The following CIMIP7 variants were observed in gnomAD, a reference collection of about 807,000 sequenced individuals.
CIMIP7 encodes the protein uncharacterized protein C3orf84.
the CIMIP7 span, among the ~76,000 whole-genome samples, chr3:49,179,892 C>A: frequency 1.3e-5 from 2 of 152,290 alleles, no homozygotes; most frequent in South Asian, 4.1e-4. Context: ...AATCCCAGCA[C>A]TTTGGGAGGC....
At chr3:49,178,668 C>A in the CIMIP7 span, 2 of 703,584 alleles carry the variant, frequency 2.8e-6, no homozygotes, top group East Asian at 2.7e-5. Flanking sequence ...AGCTGCTAAA[C>A]TGCCAACAGA....
the CIMIP7 span, among the ~76,000 whole-genome samples, chr3:49,183,976 A>G: frequency 6.6e-6 from 1 of 152,330 alleles, no homozygotes; most frequent in Admixed American, 6.5e-5. Context: ...CCAGTCTCCA[A>G]AGGGTGCATA....
chr3:49,182,799 G>T, the CIMIP7 span, among the ~76,000 whole-genome samples: 3 of 152,178 alleles, frequency 2.0e-5, no homozygotes, highest in Non-Finnish European at 4.4e-5. Context: ...TGCAGGTCCC[G>T]AGCCCTGCCC....
chr3:49,180,952 G>A, the CIMIP7 span, among the ~76,000 whole-genome samples: 10 of 119,548 alleles, frequency 8.4e-5, no homozygotes, highest in Non-Finnish European at 1.2e-4. Flanking sequence ...AAAAAAAAAA[G>A]AGTTCCCTTT....
the CIMIP7 span, among the ~76,000 whole-genome samples, chr3:49,180,159 C>T: frequency 6.6e-6 from 1 of 152,080 alleles, no homozygotes; most frequent in African/African-American, 2.4e-5. Context: ...GGCTGTAATC[C>T]CAGCTACTCA....
chr3:49,184,317 T>A, the CIMIP7 span, among the ~76,000 whole-genome samples: 1 of 152,116 alleles, frequency 6.6e-6, no homozygotes, highest in Non-Finnish European at 1.5e-5. Flanking sequence ...CATTTCAATT[T>A]TATTTAATTT....
chr3:49,190,093 C>T, the CIMIP7 span: 12 of 1,610,970 alleles, frequency 7.4e-6, no homozygotes, highest in Admixed American at 2.0e-4. Context: ...CTAGCACTTT[C>T]ACTCTTGAAT....
chr3:49,188,700 G>A, the CIMIP7 span, among the ~76,000 whole-genome samples: 5 of 152,178 alleles, frequency 3.3e-5, no homozygotes, highest in African/African-American at 1.2e-4. Flanking sequence ...CTTTATCTGA[G>A]GCTGTCACAA....
the CIMIP7 span, among the ~76,000 whole-genome samples, chr3:49,188,967 T>A: frequency 1.2e-4 from 18 of 150,648 alleles, no homozygotes; most frequent in East Asian, 5.8e-4. Context: ...CCCGGTTATT[T>A]TTTTTTTTTT....
the CIMIP7 span, among the ~76,000 whole-genome samples, chr3:49,185,715 G>T: frequency 6.6e-6 from 1 of 150,896 alleles, no homozygotes; most frequent in East Asian, 1.9e-4. Context: ...CCCCGAGACG[G>T]AGTCTCGCAC....
chr3:49,177,948 G>A, the CIMIP7 span: 1 of 1,613,722 alleles, frequency 6.2e-7, no homozygotes, highest in Non-Finnish European at 8.5e-7. Flanking sequence ...GCCCCTGCTG[G>A]CGCAACTCTA....
chr3:49,187,399 C>T, the CIMIP7 span, among the ~76,000 whole-genome samples: 1 of 152,116 alleles, frequency 6.6e-6, no homozygotes, highest in African/African-American at 2.4e-5. Flanking sequence ...GGGCTAAGGG[C>T]CCCTGTGGAG....
chr3:49,186,894 C>A, the CIMIP7 span, among the ~76,000 whole-genome samples: 1 of 152,138 alleles, frequency 6.6e-6, no homozygotes, highest in Non-Finnish European at 1.5e-5. Context: ...TAAAAGAAAT[C>A]TCTATTATTT....
the CIMIP7 span, among the ~76,000 whole-genome samples, chr3:49,185,205 G>T: frequency 3.3e-5 from 5 of 151,098 alleles, no homozygotes; most frequent in Admixed American, 2.0e-4. Flanking sequence ...AGGTTGTGGT[G>T]AGCCGAGATC....
the CIMIP7 span, among the ~76,000 whole-genome samples, chr3:49,179,788 C>T: frequency 1.3e-5 from 2 of 152,202 alleles, no homozygotes; most frequent in African/African-American, 4.8e-5. Flanking sequence ...TTGCTCACAT[C>T]TATAACTTCA....
At chr3:49,185,203 G>A in the CIMIP7 span, among the ~76,000 whole-genome samples, 1 of 151,216 alleles carries the variant, frequency 6.6e-6, no homozygotes, top group Admixed American at 6.6e-5. Context: ...AGAGGTTGTG[G>A]TGAGCCGAGA....
chr3:49,179,451 C>A, the CIMIP7 span, among the ~76,000 whole-genome samples: 1 of 152,132 alleles, frequency 6.6e-6, no homozygotes, highest in Admixed American at 6.6e-5. Flanking sequence ...TTGTGATAGC[C>A]AAAGTCATCA....
At chr3:49,182,751 G>A in the CIMIP7 span, among the ~76,000 whole-genome samples, 18 of 152,318 alleles carry the variant, frequency 1.2e-4, no homozygotes, top group African/African-American at 4.1e-4. Flanking sequence ...CTGCACAGGA[G>A]CCCAGGGAGT....
At chr3:49,178,939 A>G in the CIMIP7 span, among the ~76,000 whole-genome samples, 5 of 152,116 alleles carry the variant, frequency 3.3e-5, no homozygotes, top group Non-Finnish European at 7.4e-5. Context: ...TTGGCTCTAA[A>G]TGCCATCTGA....
Sources: gnomAD v4.1 joint callset for allele counts (sites outside exome capture counted in the v4.1 genomes callset) on GRCh38, gnomAD v4.1.1 for gene constraint, MANE v1.5 for transcripts, NCBI Gene and HGNC (gene_info 2026-07-23, HGNC 2026-07-21) for gene names.